DSG3: variants seen among roughly 807,000 people sequenced by gnomAD.
DSG3 encodes the protein desmoglein-3.
A neutral mutation model predicts 85.9 loss-of-function variants in DSG3; 63 were observed. The ratio of observed to expected loss-of-function variants is 0.73; its 90% CI spans 0.60 to 0.90. DSG3 has a LOEUF of 0.90. Ranked by LOEUF, DSG3 falls within the 40% of genes least tolerant of loss-of-function variation. The pLI is 0.00. For synonymous variants in DSG3, 447 were observed against 441.9 expected (o/e 1.01, Z -0.14); for missense variants, 1,220 against 1,219.9 (o/e 1.00, Z 0.00).
At chr18:31,466,389 A>G in intron 10 of DSG3, 141 bp from the exon 11 acceptor site, 3 of 705,716 alleles carry the variant, frequency 4.3e-6, no homozygotes, top group East Asian at 2.7e-5. Flanking sequence ...TAGGATGACT[A>G]TTTTTACTTC....
Position 31,478,657 on chromosome 18 carries a change from T to C in DSG3, c.*2397T>C, listed in dbSNP as rs2072903907. On this transcript the variant is annotated 3_prime_UTR_variant, in exon 16 of 16. Coordinates refer to ENST00000257189, the MANE Select transcript of DSG3 (RefSeq NM_001944.3). ...ATGTATTAAACCATAAACAGTATAA[T>C]GTTGTTATAATAAAACAGGCAATAA... The C allele has an allele frequency of 6.6e-6, 1 of 152,214 alleles. No individual in the cohort carries two copies. The highest frequency in any genetic ancestry group is 6.5e-5 in the Admixed American group (1 of 15,278). 9.4% of individuals were successfully genotyped at this position (152,214 alleles called of 1,614,324 possible).
At chr18:31,460,789 T>G (rs1483645004) in intron 6 of DSG3, 44 bp from the exon 7 acceptor site, 1 of 1,505,998 alleles carries the variant, frequency 6.6e-7, no homozygotes, top group Non-Finnish European at 8.9e-7. Flanking sequence ...CATTTATAAT[T>G]CTTTGGGATT....
At chr18:31,472,472 G>A (rs1052209545) in intron 13 of DSG3, 49 bp downstream of exon 13, 2 of 1,578,028 alleles carry the variant, frequency 1.3e-6, no homozygotes, top group African/African-American at 2.7e-5. Context: ...TAGAGAAAAT[G>A]TTTGATTTAC....
chr18:31,458,382 G>C (rs1598777789), intron 3 of DSG3, 63 bp from the exon 4 acceptor site: 1 of 1,522,788 alleles, frequency 6.6e-7, no homozygotes, highest in East Asian at 2.3e-5. Flanking sequence ...TATGGAAGTG[G>C]GGGTGGAGAG....
At chr18:31,452,161 T>C (rs2072715348) in intron 1 of DSG3, among the ~76,000 whole-genome samples, 1 of 152,164 alleles carries the variant, frequency 6.6e-6, no homozygotes, top group Non-Finnish European at 1.5e-5. Context: ...CTCCTTCTCA[T>C]GGTCAAGAAA....
rs370252237 is a variant in DSG3 at position 31,469,125 on chromosome 18, C to T, written c.1673C>T (p.Pro558Leu). ...SALLRAQEQI[P>L]PGVYHISLVL... ...CTCCTCAGAGCCCAGGAACAGATAC[C>T]TCCTGGAGTATACCACATCTCCCTG... The change falls in exon 12 of 16, where the codon CCT becomes CTT. Residue 558 changes from proline (P) to leucine (L), a missense_variant. By Grantham distance (98) the Pro-to-Leu change is moderately conservative. Coordinates refer to ENST00000257189, the MANE Select transcript of DSG3 (RefSeq NM_001944.3). 3 of 1,614,180 alleles carry T rather than the reference C, an allele frequency of 1.9e-6. No individual in the cohort carries two copies. The highest frequency in any genetic ancestry group is 2.5e-6 in the Non-Finnish European group (3 of 1,180,016).
Position 31,469,173 on chromosome 18 carries a change from A to G in DSG3, c.1721A>G (p.Asn574Ser), listed in dbSNP as rs1451600811. The G allele has an allele frequency of 1.9e-6, 3 of 1,614,070 alleles. No individual in the cohort carries two copies. The highest frequency in any genetic ancestry group is 2.5e-6 in the Non-Finnish European group (3 of 1,180,026). The change falls in exon 12 of 16, where the codon AAT becomes AGT. Residue 574 changes from asparagine (N) to serine (S), a missense_variant. By Grantham distance (46) the Asn-to-Ser change is conservative. Transcript: ENST00000257189. Reference sequence around the variant, plus strand: ...CTGGTACTTACAGACAGTCAGAACAATCGGTGTGAGATGCCACGCAGCTTG... The same window carrying G: ...CTGGTACTTACAGACAGTCAGAACAGTCGGTGTGAGATGCCACGCAGCTTG... ...ISLVLTDSQN[N>S]RCEMPRSLTL...
Position 31,456,467 on chromosome 18 carries a change from C to T in DSG3, c.76C>T (p.Arg26Ter), listed in dbSNP as rs369569611. Reference protein sequence around the residue: ...VVVILVHGELRIETKGQYDEE... With the variant: ...VVVILVHGEL ...GGTCATATTGGTTCATGGAGAATTG[C>T]GAATAGAGGTAAAGTATGAAAAAGG... Residue 26 changes from arginine (R) to a stop codon, truncating the protein, a stop_gained, in exon 2 of 16, where the codon CGA becomes TGA. Coordinates refer to ENST00000257189, the MANE Select transcript of DSG3 (RefSeq NM_001944.3). LOFTEE classifies it high-confidence loss of function. 5.2e-6 allele frequency: 7 copies of T among 1,337,522 alleles called. No homozygotes were observed. Among genetic ancestry groups the T allele is most frequent in the African/African-American group, 3.0e-5 (2 of 66,150 alleles). The allele number at this position is 1,337,522 out of a possible 1,614,324, so 82.9% of individuals were successfully genotyped here. A position where few individuals can be genotyped will look rare whatever the true frequency, so the allele number is the denominator to read the frequency against.
At chr18:31,454,619 G>C (rs1396994233) in intron 1 of DSG3, among the ~76,000 whole-genome samples, 1 of 150,788 alleles carries the variant, frequency 6.6e-6, no homozygotes, top group Non-Finnish European at 1.5e-5. Flanking sequence ...ATAGTCTTTT[G>C]CCAAATAGAA....
At chr18:31,462,092 A>C (rs1312760930) in intron 8 of DSG3, among the ~76,000 whole-genome samples, 6 of 149,908 alleles carry the variant, frequency 4.0e-5, no homozygotes, top group Middle Eastern at 3.4e-3. Flanking sequence ...GTTTTTTTTG[A>C]GACAAGGTCT....
Position 31,458,560 on chromosome 18 carries a change from T to C in DSG3, c.332T>C (p.Ile111Thr). 3 of 1,614,044 alleles carry C rather than the reference T, an allele frequency of 1.9e-6. No homozygotes were observed. Among genetic ancestry groups the C allele is most frequent in the Non-Finnish European group, 2.5e-6 (3 of 1,179,958 alleles). ...VVDKNTGDIN[I>T]TAIVDREETP... ...GACAAAAACACTGGAGATATTAACA[T>C]AACAGCTATAGTCGACCGGGAGGAA... Residue 111 changes from isoleucine (I) to threonine (T), a missense_variant, in exon 4 of 16, where the codon ATA becomes ACA. Coordinates refer to ENST00000257189, the MANE Select transcript of DSG3 (RefSeq NM_001944.3).
At position 31,476,426 on chromosome 18, in the gene DSG3, AAG is replaced by A; in HGVS notation, c.*167_*168del. 2.8e-6 allele frequency: 2 copies of A among 716,642 alleles called. No homozygotes were observed. The highest frequency in any genetic ancestry group is 4.2e-6 in the Non-Finnish European group (2 of 471,376). 44.4% of individuals were successfully genotyped at this position (716,642 alleles called of 1,614,324 possible). ...TTAAATGTTTGGGTTCATACCCCAAAAGCAATATGTTGTCACTCCTAATTCTC... is the reference window on the plus strand; with the variant it reads ...TTAAATGTTTGGGTTCATACCCCAAACAATATGTTGTCACTCCTAATTCTC... On this transcript the variant is annotated 3_prime_UTR_variant, in exon 16 of 16. Coordinates refer to ENST00000257189, the MANE Select transcript of DSG3 (RefSeq NM_001944.3).
Position 31,465,371 on chromosome 18 carries a change from C to T in DSG3, c.1325C>T (p.Ala442Val), listed in dbSNP as rs989243877. 2 of 1,541,770 alleles carry T rather than the reference C, an allele frequency of 1.3e-6. No homozygotes were observed. Among genetic ancestry groups the T allele is most frequent in the East Asian group, 2.4e-5 (1 of 41,492 alleles). Residue 442 changes from alanine to valine, a missense_variant, in exon 10 of 16, where the codon GCT becomes GTT. Ala to Val is a moderately conservative substitution (Grantham distance 64). Transcript: ENST00000257189. ...GGYLMIDSKTAEIKFVKNMNR... is the reference protein window; with the variant it reads ...GGYLMIDSKTVEIKFVKNMNR... ...TACCTAATGATTGATTCAAAAACTG[C>T]TGAAATCAAATTTGTCAAAAATATG...
intron 1 of DSG3, among the ~76,000 whole-genome samples, chr18:31,454,400 T>G (rs1291345299): frequency 6.6e-6 from 1 of 152,238 alleles, no homozygotes; most frequent in Non-Finnish European, 1.5e-5. Flanking sequence ...AAAATAATTT[T>G]GAGACATGTT....
rs2072779810 is a variant in DSG3 at position 31,460,875 on chromosome 18, G to C, written c.727G>C (p.Asp243His). The change falls in exon 7 of 16, where the codon GAT (aspartate) becomes CAT (histidine). Residue 243 changes from aspartate to histidine, a missense_variant. Physicochemically the swap from Asp to His is moderately conservative, Grantham distance 81. Transcript: ENST00000257189. ...TCTGGTTGTGAGTGGTGCAGACAAA[G>C]ATGGAGAAGGACTATCAACTCAATG... ...YRLVVSGADK[D>H]GEGLSTQCEC... is the part of the protein sequence containing the mutation. The C allele has an allele frequency of 1.3e-6, 2 of 1,598,750 alleles. No homozygotes were observed. Among genetic ancestry groups the C allele is most frequent in the Non-Finnish European group, 1.7e-6 (2 of 1,175,918 alleles).
rs550250338 is a variant in DSG3, at chr18:31,464,420, G to A, written c.1271+38G>A. The A allele has an allele frequency of 5.1e-6, 8 of 1,561,086 alleles. No individual in the cohort carries two copies. In the African/African-American group the frequency reaches 1.1e-4, roughly 21 times the overall value. On this transcript the variant is annotated intron_variant, in intron 9 of 15. Transcript: ENST00000257189. ...TTATTTATATCCTATTTCTTGATGAGGTTTTAATCTATAAGCTATCACAAC... is the reference window on the plus strand; with the variant it reads ...TTATTTATATCCTATTTCTTGATGAAGTTTTAATCTATAAGCTATCACAAC...
chr18:31,453,158 A>G lies in DSG3; in HGVS notation c.49-3282A>G, dbSNP rs1038543440. ...GAAAGATGCTAATATGAATGATATT[A>G]CTTACCTGTGTATATTTCATGACAT... is the stretch of plus-strand genomic sequence containing the variant. On this transcript the variant is annotated intron_variant, in intron 1 of 15. Transcript: ENST00000257189. Among the ~76,000 whole-genome samples the G allele has an allele frequency of 2.6e-5, 4 of 152,206 alleles. No homozygotes were observed. The South Asian group carries it at 6.2e-4, about 24-fold the overall frequency.
chr18:31,472,169 T>G, intron 12 of DSG3, 115 bp from the exon 13 acceptor site: 1 of 1,483,948 alleles, frequency 6.7e-7, no homozygotes, highest in South Asian at 1.3e-5. Flanking sequence ...CATTAGGAAT[T>G]TTCTACAAAT....
chr18:31,466,481 A>T (rs965906087), intron 10 of DSG3, 49 bp from the exon 11 acceptor site: 21 of 1,528,636 alleles, frequency 1.4e-5, no homozygotes, highest in Admixed American at 7.0e-5. Flanking sequence ...CCTTTTTTGT[A>T]CAACTTTGTT....
Sources: allele counts gnomAD v4.1 joint callset (sites outside exome capture counted in the v4.1 genomes callset), GRCh38; gene constraint gnomAD v4.1.1; transcripts MANE v1.5; gene names NCBI Gene and HGNC (gene_info 2026-07-23, HGNC 2026-07-21).